The following RTL4 variants were observed in gnomAD, a reference collection of about 807,000 sequenced individuals.
RTL4 encodes retrotransposon Gag-like protein 4.
In RTL4, 4 loss-of-function variants were observed where a neutral mutation model predicts 5.3. The ratio of observed to expected loss-of-function variants is 0.75; its 90% CI spans 0.37 to 1.72. The LOEUF (loss-of-function observed/expected upper bound fraction) is 1.72, where lower values mean the gene tolerates loss of function less well. Among genes scored for constraint, RTL4 ranks in the 40% most tolerant of loss-of-function variants. RTL4 has a pLI of 0.04. For synonymous variants in RTL4, 98 were observed against 87.3 expected (o/e 1.12, Z -0.68); for missense variants, 260 against 227.1 (o/e 1.14, Z -0.93).
the RTL4 span, among the ~76,000 whole-genome samples, chrX:112,393,173 TG>T: frequency 3.0e-3 from 299 of 100,235 alleles, 2 homozygotes; most frequent in African/African-American, 0.01. Context: ...TTTTTTTTTT[TG>T]TTTGTTTGTT....
the RTL4 span, among the ~76,000 whole-genome samples, chrX:112,397,360 T>C: frequency 8.9e-6 from 1 of 112,277 alleles, no homozygotes; most frequent in Non-Finnish European, 1.9e-5. Flanking sequence ...TCTTTATTTT[T>C]ATATTATTAT....
the RTL4 span, among the ~76,000 whole-genome samples, chrX:112,365,764 A>G: frequency 9.0e-6 from 1 of 111,323 alleles, no homozygotes; most frequent in Non-Finnish European, 1.9e-5. Context: ...CCACATAGGC[A>G]ATGGGCCCAA....
the RTL4 span, among the ~76,000 whole-genome samples, chrX:112,297,822 G>T: frequency 6.3e-5 from 7 of 111,499 alleles, no homozygotes; most frequent in African/African-American, 2.3e-4. Context: ...TTAGAGGTAC[G>T]TCATAGAAAA....
chrX:112,253,140 G>C, the RTL4 span, among the ~76,000 whole-genome samples: 1 of 111,746 alleles, frequency 8.9e-6, no homozygotes, highest in African/African-American at 3.3e-5. Context: ...AGTGGCAATG[G>C]TGAGTATGTC....
chrX:112,239,083 G>C, the RTL4 span, among the ~76,000 whole-genome samples: 2 of 111,480 alleles, frequency 1.8e-5, no homozygotes, highest in African/African-American at 6.5e-5. Flanking sequence ...GGTATTGATG[G>C]GCAGAGTGGG....
the RTL4 span, among the ~76,000 whole-genome samples, chrX:112,284,049 G>A: frequency 9.2e-6 from 1 of 108,220 alleles, no homozygotes; most frequent in East Asian, 2.9e-4. Flanking sequence ...TAATACTGAT[G>A]CCTCAGGATC....
the RTL4 span, among the ~76,000 whole-genome samples, chrX:112,218,744 G>A: frequency 2.7e-5 from 3 of 111,567 alleles, no homozygotes; most frequent in Non-Finnish European, 5.6e-5. Context: ...TGTTAGATAC[G>A]AGACTATTAG....
the RTL4 span, among the ~76,000 whole-genome samples, chrX:112,084,047 G>A: frequency 9.0e-6 from 1 of 111,481 alleles, no homozygotes; most frequent in Admixed American, 9.5e-5. Context: ...CCCTAGCTCT[G>A]AGAAAACTCC....
the RTL4 span, among the ~76,000 whole-genome samples, chrX:112,335,378 A>C: frequency 8.9e-6 from 1 of 112,071 alleles, no homozygotes; most frequent in Non-Finnish European, 1.9e-5. Context: ...AGAAAGAAAC[A>C]AACAAAAACA....
At chrX:112,413,873 A>G in the RTL4 span, among the ~76,000 whole-genome samples, 1 of 111,343 alleles carries the variant, frequency 9.0e-6, no homozygotes, top group Non-Finnish European at 1.9e-5. Context: ...CACAAACGAT[A>G]AATGCTTGAG....
At chrX:112,156,471 G>A in the RTL4 span, among the ~76,000 whole-genome samples, 1 of 112,088 alleles carries the variant, frequency 8.9e-6, no homozygotes, top group Non-Finnish European at 1.9e-5. Context: ...CTCAATGGTG[G>A]AAAATCTGGA....
At chrX:112,229,915 C>A in the RTL4 span, among the ~76,000 whole-genome samples, 1 of 111,941 alleles carries the variant, frequency 8.9e-6, no homozygotes, top group Non-Finnish European at 1.9e-5. Flanking sequence ...AGTACCCGGC[C>A]GTGTGAGGTG....
At chrX:112,155,048 G>A in the RTL4 span, among the ~76,000 whole-genome samples, 1 of 110,848 alleles carries the variant, frequency 9.0e-6, no homozygotes, top group Non-Finnish European at 1.9e-5. Context: ...ATGTGAGGAT[G>A]CCTCTTCAAG....
the RTL4 span, among the ~76,000 whole-genome samples, chrX:112,125,003 C>T: frequency 5.7e-4 from 63 of 109,804 alleles, no homozygotes; most frequent in African/African-American, 1.9e-3. Flanking sequence ...CAGGTTCAAG[C>T]GATTCTCCTG....
the RTL4 span, among the ~76,000 whole-genome samples, chrX:112,237,770 G>T: frequency 0.076 from 8,479 of 111,483 alleles, 328 homozygotes; most frequent in Non-Finnish European, 0.12. Flanking sequence ...AACAATATTT[G>T]CTCAGCACCT....
the RTL4 span, among the ~76,000 whole-genome samples, chrX:112,332,382 C>G: frequency 9.1e-6 from 1 of 110,167 alleles, no homozygotes. Flanking sequence ...CACATGCACA[C>G]GTATGTTTAT....
chrX:112,136,349 A>T, the RTL4 span, among the ~76,000 whole-genome samples: 8 of 111,703 alleles, frequency 7.2e-5, no homozygotes, highest in African/African-American at 9.7e-5. Flanking sequence ...TTTGACTAGG[A>T]CTTCCAGTAC....
the RTL4 span, among the ~76,000 whole-genome samples, chrX:112,371,254 A>G: frequency 9.0e-6 from 1 of 111,245 alleles, no homozygotes; most frequent in Admixed American, 9.6e-5. Flanking sequence ...TTGGGGTGTC[A>G]TACCAGTTCT....
the RTL4 span, among the ~76,000 whole-genome samples, chrX:112,169,046 T>TTCTTTCTTTCTTTCTTTCTG: frequency 9.0e-3 from 302 of 33,653 alleles, 1 homozygote; most frequent in African/African-American, 0.024. Flanking sequence ...CTTTCTTTCT[T>TTCTTTCTTTCTTTCTTTCTG]TCTTTCTTTC....
Sources: allele counts gnomAD v4.1 joint callset (sites outside exome capture counted in the v4.1 genomes callset), GRCh38; gene constraint gnomAD v4.1.1; transcripts MANE v1.5; gene names NCBI Gene and HGNC (gene_info 2026-07-23, HGNC 2026-07-21).